KCNJ3: variants seen among roughly 807,000 people sequenced by gnomAD.
KCNJ3 encodes the protein potassium inwardly rectifying channel subfamily J member 3, also known as G protein-activated inward rectifier potassium channel 1.
A neutral mutation model predicts 39.2 loss-of-function variants in KCNJ3; 4 were observed. That is an observed-to-expected ratio of 0.10 (90% CI 0.05 to 0.23). The LOEUF (loss-of-function observed/expected upper bound fraction) is 0.23, where lower values mean the gene tolerates loss of function less well. Ranked by LOEUF, KCNJ3 falls within the 10% of genes least tolerant of loss-of-function variation. The pLI is 1.00. For synonymous variants in KCNJ3, 230 were observed against 237.4 expected, an observed-to-expected ratio of 0.97 and a Z score of 0.29; for missense variants, 276 against 634.9, an observed-to-expected ratio of 0.43 and a Z score of 6.08.
intron 2 of KCNJ3, among the ~76,000 whole-genome samples, chr2:154,842,686 A>G (rs1330682931): frequency 6.6e-6 from 1 of 152,162 alleles, no homozygotes; most frequent in South Asian, 2.1e-4. Context: ...TTCCTTTACC[A>G]TTATGTAATG....
chr2:154,804,773 G>A (rs1410139064), intron 2 of KCNJ3, among the ~76,000 whole-genome samples: 2 of 152,126 alleles, frequency 1.3e-5, no homozygotes, highest in East Asian at 1.9e-4. Flanking sequence ...AGCTGGGTCA[G>A]TATCACCCAA....
At chr2:154,715,528 A>T (rs567187628) in intron 2 of KCNJ3, among the ~76,000 whole-genome samples, 4 of 152,332 alleles carry the variant, frequency 2.6e-5, no homozygotes, top group African/African-American at 9.6e-5. Context: ...TTTCTTCAAT[A>T]CCTCATTAAA....
chr2:154,836,229 CAAAAA>C (rs67183820), intron 2 of KCNJ3, among the ~76,000 whole-genome samples: 1 of 141,224 alleles, frequency 7.1e-6, no homozygotes, highest in South Asian at 2.2e-4. Flanking sequence ...CAAAAAAAAA[CAAAAA>C]AAAAAACAAA....
chr2:154,810,883 A>G (rs1035366910), intron 2 of KCNJ3, among the ~76,000 whole-genome samples: 5 of 152,182 alleles, frequency 3.3e-5, no homozygotes, highest in African/African-American at 1.2e-4. Flanking sequence ...TCTCAGACTC[A>G]TATAAAACTT....
At chr2:154,772,122 G>A (rs1303321596) in intron 2 of KCNJ3, among the ~76,000 whole-genome samples, 1 of 152,158 alleles carries the variant, frequency 6.6e-6, no homozygotes, top group Non-Finnish European at 1.5e-5. Context: ...AAAGATGACT[G>A]ACTGGCTTGA....
intron 2 of KCNJ3, among the ~76,000 whole-genome samples, chr2:154,752,539 A>G (rs1047268484): frequency 9.9e-5 from 15 of 152,054 alleles, no homozygotes; most frequent in African/African-American, 3.4e-4. Flanking sequence ...GTACATTATT[A>G]ACTATAAAAA....
intron 2 of KCNJ3, among the ~76,000 whole-genome samples, chr2:154,763,883 A>G (rs905212908): frequency 6.6e-6 from 1 of 152,244 alleles, no homozygotes; most frequent in African/African-American, 2.4e-5. Context: ...TAGCATATAC[A>G]AACTAGGTAT....
intron 2 of KCNJ3, among the ~76,000 whole-genome samples, chr2:154,755,847 A>G (rs909483216): frequency 6.6e-6 from 1 of 152,068 alleles, no homozygotes; most frequent in Non-Finnish European, 1.5e-5. Flanking sequence ...TCTGTCTTGT[A>G]CTAGCTTTCT....
intron 2 of KCNJ3, among the ~76,000 whole-genome samples, chr2:154,813,536 T>G (rs1164388358): frequency 6.6e-6 from 1 of 152,210 alleles, no homozygotes; most frequent in Non-Finnish European, 1.5e-5. Flanking sequence ...TTCAGTGAAT[T>G]CTGGTAGAAC....
chr2:154,804,306 T>G (rs894571833), intron 2 of KCNJ3, among the ~76,000 whole-genome samples: 2 of 152,134 alleles, frequency 1.3e-5, no homozygotes, highest in Non-Finnish European at 2.9e-5. Flanking sequence ...GATAAAAGTT[T>G]CAACTTCACT....
chr2:154,768,671 C>T (rs938362463), intron 2 of KCNJ3, among the ~76,000 whole-genome samples: 1 of 152,154 alleles, frequency 6.6e-6, no homozygotes, highest in Non-Finnish European at 1.5e-5. Flanking sequence ...GCAATGCGGG[C>T]TCTTTTTTGG....
chr2:154,732,197 G>A (rs1325650672), intron 2 of KCNJ3, among the ~76,000 whole-genome samples: 1 of 152,042 alleles, frequency 6.6e-6, no homozygotes, highest in African/African-American at 2.4e-5. Context: ...TTTGTATAGA[G>A]TTTTGTAAGA....
chr2:154,766,728 G>T (rs924716759), intron 2 of KCNJ3, among the ~76,000 whole-genome samples: 1 of 151,948 alleles, frequency 6.6e-6, no homozygotes, highest in East Asian at 1.9e-4. Flanking sequence ...GCTAATTTTT[G>T]TATTTTCAGT....
In KCNJ3 at chr2:154,841,168, C is replaced by T. The variant is rs139802227; in HGVS notation, c.920-13559C>T. On this transcript the variant is annotated intron_variant, in intron 2 of 2. Transcript: ENST00000295101. ...AGGGCTGTTGAATTTTGTTAAAGGACGTTTCTGCATTTATTGAGATAATCA... is the reference window on the plus strand; with the variant it reads ...AGGGCTGTTGAATTTTGTTAAAGGATGTTTCTGCATTTATTGAGATAATCA... 3.3e-3 allele frequency among the ~76,000 whole-genome samples: 501 copies of T among 152,190 alleles called. 8 individuals are homozygous for T. Among genetic ancestry groups the T allele is most frequent in the African/African-American group, 0.011 (473 of 41,516 alleles).
intron 1 of KCNJ3, among the ~76,000 whole-genome samples, chr2:154,700,447 C>T (rs1684868734): frequency 6.6e-6 from 1 of 152,176 alleles, no homozygotes; most frequent in Non-Finnish European, 1.5e-5. Context: ...GTGTGATTTA[C>T]AATTCATTTT....
chr2:154,762,750 G>A (rs1366928112), intron 2 of KCNJ3, among the ~76,000 whole-genome samples: 1 of 152,176 alleles, frequency 6.6e-6, no homozygotes, highest in African/African-American at 2.4e-5. Context: ...GAACTGGAAA[G>A]AGGAAAACAA....
At chr2:154,794,052 G>A (rs532082227) in intron 2 of KCNJ3, among the ~76,000 whole-genome samples, 1 of 151,870 alleles carries the variant, frequency 6.6e-6, no homozygotes, top group Non-Finnish European at 1.5e-5. Context: ...GCTAATCTAT[G>A]AGAAAAGTTT....
At chr2:154,745,930 T>C (rs1685733520) in intron 2 of KCNJ3, among the ~76,000 whole-genome samples, 1 of 151,908 alleles carries the variant, frequency 6.6e-6, no homozygotes, top group Admixed American at 6.6e-5. Flanking sequence ...TAGGCAGGGG[T>C]TGAGTACTGG....
intron 2 of KCNJ3, among the ~76,000 whole-genome samples, chr2:154,769,970 A>T (rs1397723768): frequency 1.3e-5 from 2 of 152,182 alleles, no homozygotes; most frequent in Admixed American, 6.6e-5. Context: ...TCAGTAAAAA[A>T]TTCAAGCCTT....
Sources: allele counts gnomAD v4.1 joint callset (sites outside exome capture counted in the v4.1 genomes callset), GRCh38; gene constraint gnomAD v4.1.1; transcripts MANE v1.5; gene names NCBI Gene and HGNC (gene_info 2026-07-23, HGNC 2026-07-21).